Variants in PEBP4 observed in about 807,000 individuals in gnomAD.
The protein encoded by PEBP4 is phosphatidylethanolamine-binding protein 4.
In PEBP4, 22 loss-of-function variants were observed where a neutral mutation model predicts 23.9. That is an observed-to-expected ratio of 0.92 (90% CI 0.66 to 1.31). PEBP4 has a LOEUF of 1.31. Among genes scored for constraint, PEBP4 ranks in the 40% most tolerant of loss-of-function variants. The probability of loss-of-function intolerance (pLI) is 0.00; values close to 1 mark genes in which losing one functional copy is unlikely to be tolerated. For missense variants in PEBP4, 324 were observed against 281.7 expected, an observed-to-expected ratio of 1.15 and a Z score of -1.07; for synonymous variants, 112 against 99.3, an observed-to-expected ratio of 1.13 and a Z score of -0.76.
intron 3 of PEBP4, among the ~76,000 whole-genome samples, chr8:22,840,709 G>A (rs953366133): frequency 5.3e-5 from 8 of 152,314 alleles, no homozygotes; most frequent in African/African-American, 1.9e-4. Flanking sequence ...GAATGTCTGT[G>A]TTAAAGGCTA....
intron 4 of PEBP4, chr8:22,815,002 G>A (rs1392747242): frequency 6.6e-6 from 1 of 152,090 alleles, no homozygotes; most frequent in Non-Finnish European, 1.5e-5. Flanking sequence ...CAGGCCACAT[G>A]GTACGGCAGG....
intron 3 of PEBP4, among the ~76,000 whole-genome samples, chr8:22,829,890 C>T (rs2128763855): frequency 6.6e-6 from 1 of 152,294 alleles, no homozygotes. Flanking sequence ...TCCAATCTGC[C>T]CCCATCGCTT....
rs1302723105 is a variant in PEBP4, at chr8:22,713,556, A to G, written c.518-20T>C. 6.2e-7 allele frequency: 1 copy of G among 1,613,982 alleles called. No homozygotes were observed. Among genetic ancestry groups the G allele is most frequent in the African/African-American group, 1.3e-5 (1 of 74,938 alleles). On this transcript the variant is annotated intron_variant, in intron 6 of 6. Transcript: ENST00000256404. Reference sequence around the variant, plus strand: ...AAGAGCCTGGAAGGACAAACAGACCACAGGGAGGCAGTGAGAAAGAGCCAT... The same window carrying G: ...AAGAGCCTGGAAGGACAAACAGACCGCAGGGAGGCAGTGAGAAAGAGCCAT...
At chr8:22,772,591 C>T (rs1199514405) in intron 4 of PEBP4, among the ~76,000 whole-genome samples, 1 of 150,036 alleles carries the variant, frequency 6.7e-6, no homozygotes, top group Non-Finnish European at 1.5e-5. Flanking sequence ...CAACTCCTGG[C>T]CTCAGTTGAT....
chr8:22,794,105 T>A (rs1563218166), intron 4 of PEBP4, among the ~76,000 whole-genome samples: 1 of 152,234 alleles, frequency 6.6e-6, no homozygotes, highest in African/African-American at 2.4e-5. Context: ...ATCTTTATAT[T>A]GTATTTCTTT....
intron 4 of PEBP4, among the ~76,000 whole-genome samples, chr8:22,797,867 G>T (rs896969075): frequency 6.6e-6 from 1 of 152,176 alleles, no homozygotes; most frequent in African/African-American, 2.4e-5. Flanking sequence ...CAGGATGATG[G>T]CCAGAAAGGG....
intron 3 of PEBP4, among the ~76,000 whole-genome samples, chr8:22,918,203 T>G (rs2466216): frequency 0.14 from 21,488 of 152,244 alleles, 1,988 homozygotes; most frequent in Non-Finnish European, 0.21. Flanking sequence ...TGAATCTGCC[T>G]TCTCATAGGT....
upstream of PEBP4, among the ~76,000 whole-genome samples, chr8:22,931,056 G>A (rs1447351813): frequency 6.6e-6 from 1 of 151,926 alleles, no homozygotes; most frequent in African/African-American, 2.4e-5. Flanking sequence ...ATCCCTCCAG[G>A]CCTCCTGTGC....
intron 6 of PEBP4, among the ~76,000 whole-genome samples, chr8:22,716,742 C>T (rs796279266): frequency 7.9e-5 from 12 of 152,324 alleles, no homozygotes; most frequent in African/African-American, 2.9e-4. Context: ...CCACATCCAG[C>T]TTACCCTGGC....
intron 4 of PEBP4, among the ~76,000 whole-genome samples, chr8:22,793,406 A>G: frequency 6.7e-6 from 1 of 149,390 alleles, no homozygotes. Flanking sequence ...AGCTGGGATT[A>G]CAGGCATGCA....
At chr8:22,741,594 G>T (rs1393108771) in intron 4 of PEBP4, among the ~76,000 whole-genome samples, 1 of 152,170 alleles carries the variant, frequency 6.6e-6, no homozygotes, top group East Asian at 1.9e-4. Flanking sequence ...GAGGCCCACT[G>T]CTCTCTCAGG....
intron 3 of PEBP4, among the ~76,000 whole-genome samples, chr8:22,918,954 T>C (rs1271400808): frequency 6.6e-6 from 1 of 152,198 alleles, no homozygotes; most frequent in East Asian, 1.9e-4. Flanking sequence ...TGTGCACGTG[T>C]GCACTTTATT....
intron 4 of PEBP4, among the ~76,000 whole-genome samples, chr8:22,781,032 C>T (rs551485933): frequency 3.3e-5 from 5 of 152,182 alleles, no homozygotes; most frequent in South Asian, 2.1e-4. Flanking sequence ...CAAGCAGCAG[C>T]GTCCGGGTTC....
At chr8:22,795,186 T>A (rs1399865853) in intron 4 of PEBP4, among the ~76,000 whole-genome samples, 11 of 101,544 alleles carry the variant, frequency 1.1e-4, no homozygotes, top group African/African-American at 2.8e-4. Context: ...TTTTTTTTTT[T>A]TTTTTTTGAG....
chr8:22,735,709 A>G (rs1804846391), intron 4 of PEBP4, among the ~76,000 whole-genome samples: 1 of 152,178 alleles, frequency 6.6e-6, no homozygotes, highest in South Asian at 2.1e-4. Context: ...CTTCCCTGTC[A>G]AGAGAGGAGG....
intron 3 of PEBP4, among the ~76,000 whole-genome samples, chr8:22,902,552 CA>C (rs1264717452): frequency 6.6e-6 from 1 of 152,054 alleles, no homozygotes; most frequent in East Asian, 1.9e-4. Flanking sequence ...AGCCTCTCCC[CA>C]GGCAACCTCT....
At chr8:22,827,715 A>G (rs186217339) in intron 3 of PEBP4, among the ~76,000 whole-genome samples, 1 of 152,346 alleles carries the variant, frequency 6.6e-6, no homozygotes, top group African/African-American at 2.4e-5. Context: ...GTCTCTGTGC[A>G]AACACTTGTT....
chr8:22,894,665 A>C (rs551524630), intron 3 of PEBP4, among the ~76,000 whole-genome samples: 66 of 152,306 alleles, frequency 4.3e-4, no homozygotes, highest in African/African-American at 1.6e-3. Flanking sequence ...TCCTGAAAGA[A>C]TCTCCCACGG....
At chr8:22,822,402 A>G (rs1384040155) in intron 3 of PEBP4, among the ~76,000 whole-genome samples, 1 of 151,300 alleles carries the variant, frequency 6.6e-6, no homozygotes, top group Admixed American at 6.6e-5. Context: ...AATCCCATAA[A>G]GAGAAAACTG....
Sources: allele counts gnomAD v4.1 joint callset (sites outside exome capture counted in the v4.1 genomes callset), GRCh38; gene constraint gnomAD v4.1.1; transcripts MANE v1.5; gene names NCBI Gene and HGNC (gene_info 2026-07-23, HGNC 2026-07-21).